Variants in CACNG4 observed in about 807,000 individuals in gnomAD.
CACNG4 encodes the protein voltage-dependent calcium channel gamma-4 subunit.
A neutral mutation model predicts 22.9 loss-of-function variants in CACNG4; 8 were observed. That is an observed-to-expected ratio of 0.35 (90% confidence interval 0.21 to 0.63). CACNG4 has a LOEUF of 0.63. Ranked by LOEUF, CACNG4 falls within the 30% of genes least tolerant of loss-of-function variation. The probability of loss-of-function intolerance (pLI) is 0.72; values close to 1 mark genes in which losing one functional copy is unlikely to be tolerated. For missense variants in CACNG4, 357 were observed against 455.4 expected, an observed-to-expected ratio of 0.78 and a Z score of 1.97; for synonymous variants, 188 against 191.9, an observed-to-expected ratio of 0.98 and a Z score of 0.17.
chr17:66,972,032 T>C (rs2035207794), intron 1 of CACNG4, among the ~76,000 whole-genome samples: 1 of 151,666 alleles, frequency 6.6e-6, no homozygotes, highest in Non-Finnish European at 1.5e-5. Context: ...GCAGCAGAGA[T>C]GGGAGAAGTG....
chr17:66,981,084 T>C (rs1598104781), intron 1 of CACNG4, among the ~76,000 whole-genome samples: 2 of 152,316 alleles, frequency 1.3e-5, no homozygotes, highest in Admixed American at 1.3e-4. Flanking sequence ...TTTGTGGCAG[T>C]GAGTCAGTTG....
chr17:66,978,338 A>G (rs1329489353), intron 1 of CACNG4, among the ~76,000 whole-genome samples: 1 of 152,208 alleles, frequency 6.6e-6, no homozygotes, highest in South Asian at 2.1e-4. Context: ...TGTTCAATGC[A>G]TGTAGTTATT....
intron 1 of CACNG4, among the ~76,000 whole-genome samples, chr17:66,994,020 T>TA (rs58662640): frequency 3.4e-3 from 483 of 142,224 alleles, no homozygotes; most frequent in Non-Finnish European, 4.0e-3. Flanking sequence ...AATATACACA[T>TA]AAAAAAAAAA....
intron 1 of CACNG4, among the ~76,000 whole-genome samples, chr17:67,003,655 A>G (rs961473740): frequency 2.0e-5 from 3 of 152,188 alleles, no homozygotes; most frequent in Admixed American, 1.3e-4. Context: ...ACGTGTTGCC[A>G]GTAGCACTTC....
intron 1 of CACNG4, among the ~76,000 whole-genome samples, chr17:67,001,959 G>A (rs376821817): frequency 5.3e-5 from 8 of 152,312 alleles, no homozygotes; most frequent in East Asian, 1.9e-4. Context: ...ATGATCTGGC[G>A]GCTCCTCACC....
Position 67,027,511 on chromosome 17 carries a change from G to T in CACNG4, c.445+2511G>T, listed in dbSNP as rs2068847. ...TCAGGCCACCAGCCCTAGCAGGGAG[G>T]TCTGACAGGCTCTTAAAGAACTCGA... On this transcript the variant is annotated intron_variant, in intron 3 of 3. Transcript: ENST00000262138. This position sits in a 1 kb window ranked among gnomAD's most constrained non-coding sequence, Gnocchi z 4.3. Among the ~76,000 whole-genome samples the T allele has an allele frequency of 1.4e-3, 217 of 152,348 alleles. 8 individuals carry two copies. The South Asian group carries it at 0.043, about 30-fold the overall frequency.
intron 1 of CACNG4, among the ~76,000 whole-genome samples, chr17:66,979,726 G>A (rs140539790): frequency 2.7e-5 from 4 of 150,932 alleles, no homozygotes; most frequent in South Asian, 2.1e-4. Context: ...TGACACGGCC[G>A]GTGTTTGTTC....
intron 1 of CACNG4, among the ~76,000 whole-genome samples, chr17:66,988,804 A>C (rs1232290601): frequency 6.6e-6 from 1 of 152,130 alleles, no homozygotes; most frequent in East Asian, 1.9e-4. Context: ...CACGCCTGTG[A>C]TCTCTGCACT....
chr17:66,965,440 G>A (rs1278263909), intron 1 of CACNG4, among the ~76,000 whole-genome samples: 1 of 147,902 alleles, frequency 6.8e-6, no homozygotes, highest in East Asian at 2.0e-4. Context: ...GAAACACACC[G>A]AAACTCAAGC....
At chr17:66,972,601 C>G (rs748070026) in intron 1 of CACNG4, among the ~76,000 whole-genome samples, 3 of 152,180 alleles carry the variant, frequency 2.0e-5, no homozygotes, top group Non-Finnish European at 2.9e-5. Flanking sequence ...TTCTTTGTAG[C>G]TGGAATTCCA....
intron 1 of CACNG4, among the ~76,000 whole-genome samples, chr17:66,966,234 G>A (rs2035170364): frequency 6.6e-6 from 1 of 152,252 alleles, no homozygotes; most frequent in East Asian, 1.9e-4. Context: ...GGCTGGGGAG[G>A]GGCCACCTGG....
chr17:66,972,579 G>C (rs1315534832), intron 1 of CACNG4, among the ~76,000 whole-genome samples: 1 of 152,206 alleles, frequency 6.6e-6, no homozygotes, highest in Admixed American at 6.5e-5. Flanking sequence ...AGGGCAGAGG[G>C]GGAAGGCATG....
At chr17:66,989,640 T>C (rs1218168924) in intron 1 of CACNG4, among the ~76,000 whole-genome samples, 1 of 151,556 alleles carries the variant, frequency 6.6e-6, no homozygotes, top group Non-Finnish European at 1.5e-5. Context: ...GCCTTGCAAA[T>C]AACTGCCGAA....
At chr17:66,971,920 C>T (rs1362109840) in intron 1 of CACNG4, among the ~76,000 whole-genome samples, 1 of 152,100 alleles carries the variant, frequency 6.6e-6, no homozygotes, top group African/African-American at 2.4e-5. Flanking sequence ...TTTAGCAGAC[C>T]TTCTGACTGC....
chr17:66,985,655 T>C (rs2035301267), intron 1 of CACNG4, among the ~76,000 whole-genome samples: 1 of 152,214 alleles, frequency 6.6e-6, no homozygotes, highest in African/African-American at 2.4e-5. Context: ...CAGTCTCCTA[T>C]TCATTCTTTA....
chr17:67,008,941 CCT>C (rs138305781), intron 1 of CACNG4, among the ~76,000 whole-genome samples: 3,369 of 152,000 alleles, frequency 0.022, 117 homozygotes, highest in African/African-American at 0.078. Context: ...AGGGTGAGAC[CCT>C]GTCTCAAAAA....
At chr17:66,973,760 C>T (rs2035219046) in intron 1 of CACNG4, among the ~76,000 whole-genome samples, 1 of 152,148 alleles carries the variant, frequency 6.6e-6, no homozygotes, top group Non-Finnish European at 1.5e-5. Context: ...GGTGCATGGG[C>T]TTGGTCTCCT....
chr17:67,009,871 A>ATATGAATTT (rs2035459110), intron 1 of CACNG4, among the ~76,000 whole-genome samples: 2 of 152,148 alleles, frequency 1.3e-5, no homozygotes, highest in Non-Finnish European at 2.9e-5. Flanking sequence ...GGAGTTCAGC[A>ATATGAATTT]TATGAATTTG....
chr17:66,990,868 G>A (rs903561666), intron 1 of CACNG4, among the ~76,000 whole-genome samples: 2 of 151,834 alleles, frequency 1.3e-5, no homozygotes, highest in Non-Finnish European at 2.9e-5. Flanking sequence ...TTTTAGTAGA[G>A]ACGGGGTTTC....
Sources: allele counts gnomAD v4.1 joint callset (sites outside exome capture counted in the v4.1 genomes callset), GRCh38; gene constraint gnomAD v4.1.1; non-coding constraint Gnocchi (gnomAD v3.1); transcripts MANE v1.5; gene names NCBI Gene and HGNC (gene_info 2026-07-23, HGNC 2026-07-21).